The following MBOAT1 variants were observed in gnomAD, a reference collection of about 807,000 sequenced individuals.
MBOAT1 encodes membrane-bound glycerophospholipid O-acyltransferase 1.
Under a neutral mutation model 64.4 loss-of-function variants are expected in MBOAT1, and 67 were observed. The ratio of observed to expected loss-of-function variants is 1.04; its 90% CI spans 0.85 to 1.27. The LOEUF (loss-of-function observed/expected upper bound fraction) is 1.27. Ranked by LOEUF, MBOAT1 falls within the 50% of genes most tolerant of loss-of-function variation. The pLI, the probability that MBOAT1 is intolerant of heterozygous loss-of-function variation, is 0.00. For missense variants in MBOAT1, 563 were observed against 604.6 expected (o/e 0.93, Z 0.72); for synonymous variants, 229 against 218.9 (o/e 1.05, Z -0.41).
In MBOAT1 at chr6:20,180,812, T is replaced by C. The variant is rs542897999; in HGVS notation, c.100-28043A>G. Among the ~76,000 whole-genome samples the C allele has an allele frequency of 5.3e-5, 8 of 152,346 alleles. No individual in the cohort carries two copies. The South Asian group carries it at 1.7e-3, about 32-fold the overall frequency. ...GACATACAATGTATCCATGGGCAAG[T>C]GCATTTAATGAAAACTTTCATTTAA... is the stretch of plus-strand genomic sequence containing the variant. On this transcript the variant is annotated intron_variant, in intron 1 of 12. Transcript: ENST00000324607.
chr6:20,166,527 G>A (rs1413334212), intron 1 of MBOAT1, among the ~76,000 whole-genome samples: 1 of 152,114 alleles, frequency 6.6e-6, no homozygotes, highest in Non-Finnish European at 1.5e-5. Flanking sequence ...TTTAGACAAA[G>A]GTATTCTCTG....
intron 4 of MBOAT1, among the ~76,000 whole-genome samples, 177 bp from the exon 5 acceptor site, chr6:20,131,376 G>C (rs530151162): frequency 6.6e-6 from 1 of 152,320 alleles, no homozygotes; most frequent in East Asian, 1.9e-4. Context: ...CTGTTCTCGT[G>C]ATAGTGAGTG....
chr6:20,192,548 C>A (rs1348629257), intron 1 of MBOAT1, among the ~76,000 whole-genome samples: 1 of 152,166 alleles, frequency 6.6e-6, no homozygotes, highest in Non-Finnish European at 1.5e-5. Context: ...TAAAGTCCTA[C>A]AAGACAGAAA....
rs181446128 is a variant in MBOAT1, at chr6:20,199,809, A to C, written c.99+12327T>G. On this transcript the variant is annotated intron_variant, in intron 1 of 12. Coordinates refer to ENST00000324607, the MANE Select transcript of MBOAT1 (RefSeq NM_001080480.3). The stretch of plus-strand genomic sequence containing the variant: ...ATGGTGAAACCCTGTCTCTACTAAA[A>C]ATACAAAAATTAGCCAGGTGTGGTG... 1.6e-3 allele frequency among the ~76,000 whole-genome samples: 250 copies of C among 152,266 alleles called. 1 individual carries two copies. The highest frequency in any genetic ancestry group is 5.8e-3 in the African/African-American group (241 of 41,552).
chr6:20,199,328 T>C (rs1297031200), intron 1 of MBOAT1, among the ~76,000 whole-genome samples: 1 of 152,244 alleles, frequency 6.6e-6, no homozygotes, highest in Non-Finnish European at 1.5e-5. Context: ...CAGCCTCACT[T>C]TGCCCTTCTT....
At chr6:20,167,328 C>G (rs1762042536) in intron 1 of MBOAT1, among the ~76,000 whole-genome samples, 1 of 152,104 alleles carries the variant, frequency 6.6e-6, no homozygotes, top group African/African-American at 2.4e-5. Flanking sequence ...TAAATACCAC[C>G]AGATCACATT....
intron 8 of MBOAT1, among the ~76,000 whole-genome samples, chr6:20,122,900 C>T (rs143630632): frequency 1.7e-4 from 26 of 152,100 alleles, no homozygotes; most frequent in African/African-American, 4.8e-4. Context: ...GGCGTGATCT[C>T]GGCTTACAGC....
At chr6:20,148,017 G>A (rs145039650) in intron 3 of MBOAT1, among the ~76,000 whole-genome samples, 30 of 152,312 alleles carry the variant, frequency 2.0e-4, no homozygotes, top group Middle Eastern at 3.4e-3. Context: ...GTTGGTTCAC[G>A]TAGGGTAAAC....
intron 1 of MBOAT1, among the ~76,000 whole-genome samples, chr6:20,204,180 T>C (rs1344723264): frequency 2.0e-5 from 3 of 152,226 alleles, no homozygotes; most frequent in East Asian, 1.9e-4. Flanking sequence ...ATTTCCCTCC[T>C]GCTTCTAAAG....
At chr6:20,124,685 C>T (rs897311786) in intron 7 of MBOAT1, 85 bp from the exon 8 acceptor site, 6 of 1,262,676 alleles carry the variant, frequency 4.8e-6, no homozygotes, top group African/African-American at 1.5e-5. Context: ...TTAAGGACAA[C>T]GTTGCTCCAA....
rs755952403 is a variant in MBOAT1 at position 20,118,461 on chromosome 6, C to T, written c.987G>A (p.Ser329=). Residue 329 remains serine (S), a synonymous_variant, in exon 9 of 13, where the codon TCG becomes TCA. Coordinates refer to ENST00000324607, the MANE Select transcript of MBOAT1 (RefSeq NM_001080480.3). ...KNGNFCWDLL[S]NLNIWKIETA... is the part of the protein sequence containing the mutation. Reference sequence around the variant, plus strand: ...CCTCAATTTTCCAGATGTTTAGGTTCGAAAGCAGATCCCAACAGAAATTCC... The same window carrying T: ...CCTCAATTTTCCAGATGTTTAGGTTTGAAAGCAGATCCCAACAGAAATTCC... 27 of 1,613,822 alleles carry T rather than the reference C, an allele frequency of 1.7e-5. No individual in the cohort carries two copies. Among genetic ancestry groups the T allele is most frequent in the East Asian group, 6.7e-5 (3 of 44,894 alleles).
chr6:20,166,710 G>A (rs1222768561), intron 1 of MBOAT1, among the ~76,000 whole-genome samples: 2 of 152,078 alleles, frequency 1.3e-5, no homozygotes, highest in Admixed American at 6.6e-5. Context: ...GGCCGAGGCG[G>A]GAGGATGGTT....
chr6:20,206,055 G>A (rs537689949), intron 1 of MBOAT1, among the ~76,000 whole-genome samples: 12 of 152,112 alleles, frequency 7.9e-5, no homozygotes, highest in African/African-American at 2.7e-4. Context: ...TCCCTCCACT[G>A]CTGACCTTCT....
intron 2 of MBOAT1, among the ~76,000 whole-genome samples, chr6:20,151,790 T>C (rs1271426177): frequency 1.3e-5 from 2 of 152,230 alleles, no homozygotes; most frequent in African/African-American, 4.8e-5. Context: ...AGCTTACTCG[T>C]AGAGGAAAGT....
Position 20,124,544 on chromosome 6 carries a change from C to A in MBOAT1, c.771G>T (p.Thr257=). Residue 257 remains threonine, a synonymous_variant, in exon 8 of 13, where the codon ACG becomes ACT. Transcript: ENST00000324607. The stretch of plus-strand genomic sequence containing the variant: ...AGGTGACAGGAAAGGTCTTCGTTAG[C>A]GTCAAAAACAAAAGGAGAGACACCA... ...ITLVSLLLFL[T]LTKTFPVTCL... 4 of 1,614,174 alleles carry A rather than the reference C, an allele frequency of 2.5e-6. No homozygotes were observed. Among genetic ancestry groups the A allele is most frequent in the Non-Finnish European group, 2.5e-6 (3 of 1,180,032 alleles).
intron 1 of MBOAT1, among the ~76,000 whole-genome samples, chr6:20,159,961 T>C (rs1335823905): frequency 2.6e-5 from 4 of 152,190 alleles, no homozygotes; most frequent in Non-Finnish European, 5.9e-5. Context: ...ACAATTAAAG[T>C]ATTGTGTGGG....
intron 4 of MBOAT1, among the ~76,000 whole-genome samples, chr6:20,142,433 C>T (rs1057081231): frequency 2.6e-5 from 4 of 152,114 alleles, no homozygotes; most frequent in Admixed American, 2.0e-4. Flanking sequence ...CCATATTTTA[C>T]TAGCAATGCA....
rs1342103036 is a variant in MBOAT1, at chr6:20,212,170, G to A, written c.65C>T (p.Pro22Leu). 3.1e-6 allele frequency: 5 copies of A among 1,613,700 alleles called. No homozygotes were observed. The highest frequency in any genetic ancestry group is 4.2e-6 in the Non-Finnish European group (5 of 1,179,890). Residue 22 changes from proline to leucine, a missense_variant, in exon 1 of 13, where the codon CCG (proline) becomes CTG (leucine). Transcript: ENST00000324607. The part of the protein sequence containing the change: ...YRTTGSTYLH[P>L]LSELLGIPLD... Reference sequence around the variant, plus strand: ...CGGGATGCCCAGGAGCTCGCTGAGCGGGTGCAGGTAGGTGGAGCCCGTGGT... The same window carrying A: ...CGGGATGCCCAGGAGCTCGCTGAGCAGGTGCAGGTAGGTGGAGCCCGTGGT...
At chr6:20,207,386 A>G (rs1328871520) in intron 1 of MBOAT1, among the ~76,000 whole-genome samples, 1 of 152,188 alleles carries the variant, frequency 6.6e-6, no homozygotes, top group Non-Finnish European at 1.5e-5. Context: ...CTCGGGAAGT[A>G]CCCTCACACC....
Sources: allele counts gnomAD v4.1 joint callset (sites outside exome capture counted in the v4.1 genomes callset), GRCh38; gene constraint gnomAD v4.1.1; transcripts MANE v1.5; gene names NCBI Gene and HGNC (gene_info 2026-07-23, HGNC 2026-07-21).